RAPGEF5: variants seen among roughly 807,000 people sequenced by gnomAD.
RAPGEF5 encodes the protein M-Ras-regulated GEF.
Under a neutral mutation model 125.2 loss-of-function variants are expected in RAPGEF5, and 65 were observed. That is an observed-to-expected ratio of 0.52 (90% CI 0.43 to 0.64). The LOEUF is 0.64. Ranked by LOEUF, RAPGEF5 falls within the 30% of genes least tolerant of loss-of-function variation. The pLI is 0.00. For missense variants in RAPGEF5, 958 were observed against 1,048.1 expected (o/e 0.91, Z 1.19); for synonymous variants, 391 against 385.9 (o/e 1.01, Z -0.16).
chr7:22,213,057 T>A (rs898720213), intron 9 of RAPGEF5, among the ~76,000 whole-genome samples: 5 of 152,226 alleles, frequency 3.3e-5, no homozygotes, highest in Non-Finnish European at 7.3e-5. Flanking sequence ...TGAGCCAGTA[T>A]CAATGTTCTT....
chr7:22,149,250 C>T lies in RAPGEF5; in HGVS notation c.1884+1157G>A, dbSNP rs3807529. 4.6e-5 allele frequency among the ~76,000 whole-genome samples: 7 copies of T among 152,302 alleles called. No homozygotes were observed. In the East Asian group the frequency reaches 9.6e-4, roughly 21 times the overall value. On this transcript the variant is annotated intron_variant, in intron 18 of 25. Coordinates refer to ENST00000665637, the MANE Select transcript of RAPGEF5 (RefSeq NM_012294.5). ...TGATAGCTTAATATCCTGCAGACAA[C>T]GTTACATAAAATGTCTTTCCAGTAG...
Position 22,310,049 on chromosome 7 carries a change from T to C in RAPGEF5, c.431A>G (p.Glu144Gly), listed in dbSNP as rs1783432493. Residue 144 changes from glutamate (E) to glycine (G), a missense_variant, in exon 4 of 26, where the codon GAA becomes GGA. Coordinates refer to ENST00000665637, the MANE Select transcript of RAPGEF5 (RefSeq NM_012294.5). ...VGSELVDWLL[E>G]HCPFVQCRSM... ...TCTGCACTGGACGAAAGGACAGTGT[T>C]CTAGAAGCCAGTCTACCAGCTCTGA... 4 of 1,598,196 alleles carry C rather than the reference T, an allele frequency of 2.5e-6. No homozygotes were observed. The highest frequency in any genetic ancestry group is 1.4e-5 in the African/African-American group (1 of 73,724).
At chr7:22,134,723 C>A (rs1583394237) in intron 23 of RAPGEF5, among the ~76,000 whole-genome samples, 1 of 152,294 alleles carries the variant, frequency 6.6e-6, no homozygotes, top group East Asian at 1.9e-4. Context: ...TTCCCACCTG[C>A]CACCTCCCAC....
At chr7:22,167,673 T>C (rs547632226) in intron 11 of RAPGEF5, among the ~76,000 whole-genome samples, 7 of 152,304 alleles carry the variant, frequency 4.6e-5, no homozygotes, top group African/African-American at 1.7e-4. Flanking sequence ...AATGCATCTT[T>C]AAGAAGCTGG....
At chr7:22,228,826 ACTGTG>A (rs1785987275) in intron 8 of RAPGEF5, among the ~76,000 whole-genome samples, 1 of 151,938 alleles carries the variant, frequency 6.6e-6, no homozygotes, top group Admixed American at 6.6e-5. Context: ...GCCCAAGGTT[ACTGTG>A]CCAGTCAGGA....
At position 22,154,594 on chromosome 7, in the gene RAPGEF5, G is replaced by A. The variant is rs765816761; in HGVS notation, c.1647C>T (p.His549=). 17 of 1,612,880 alleles carry A rather than the reference G, an allele frequency of 1.1e-5. No homozygotes were observed. The highest frequency in any genetic ancestry group is 1.0e-4 in the Admixed American group (6 of 59,908). ...CATAGGAGTGCTCTGTTATATACAC[G>A]TGGCAGAAAACTGCACAAGTGAAAA... ...TVTETEEIFC[H]VYITEHSYVS... The change falls in exon 17 of 26, where the codon CAC becomes CAT. Residue 549 remains histidine (H), a synonymous_variant. Transcript: ENST00000665637.
chr7:22,318,091 A>G, intron 1 of RAPGEF5, 54 bp from the exon 2 acceptor site: 8 of 1,489,528 alleles, frequency 5.4e-6, no homozygotes, highest in Non-Finnish European at 6.2e-6. Context: ...CTTTTGTACC[A>G]AAAAATGAAA....
intron 12 of RAPGEF5, chr7:22,163,059 T>G: frequency 2.2e-6 from 1 of 449,496 alleles, no homozygotes; most frequent in Non-Finnish European, 4.5e-6. Context: ...TCCTAGGAAC[T>G]TACTTGAAAA....
intron 6 of RAPGEF5, among the ~76,000 whole-genome samples, chr7:22,285,352 T>C (rs773251694): frequency 2.6e-5 from 4 of 152,184 alleles, no homozygotes; most frequent in Admixed American, 6.5e-5. Context: ...CCAACTTTCA[T>C]TCAACGAAGA....
intron 5 of RAPGEF5, among the ~76,000 whole-genome samples, chr7:22,293,828 CTCCTT>C (rs1782989231): frequency 6.6e-6 from 1 of 152,200 alleles, no homozygotes; most frequent in African/African-American, 2.4e-5. Flanking sequence ...CTCGGCCACT[CTCCTT>C]TCTTTCACCA....
chr7:22,278,851 T>A (rs1782614329), intron 6 of RAPGEF5, among the ~76,000 whole-genome samples: 1 of 151,886 alleles, frequency 6.6e-6, no homozygotes, highest in Non-Finnish European at 1.5e-5. Context: ...ATATTTTCCA[T>A]GTATTCACTG....
intron 9 of RAPGEF5, among the ~76,000 whole-genome samples, chr7:22,197,464 T>C (rs765579882): frequency 1.3e-5 from 2 of 152,234 alleles, no homozygotes; most frequent in African/African-American, 2.4e-5. Context: ...TGTTAACTGA[T>C]AGGAAGGCAT....
intron 5 of RAPGEF5, among the ~76,000 whole-genome samples, chr7:22,307,770 C>T (rs1783376677): frequency 2.6e-5 from 4 of 152,120 alleles, no homozygotes; most frequent in Admixed American, 1.3e-4. Flanking sequence ...TAATCCATAA[C>T]TCATAATTCT....
intron 11 of RAPGEF5, among the ~76,000 whole-genome samples, chr7:22,168,228 G>C (rs942610502): frequency 8.5e-5 from 13 of 152,140 alleles, no homozygotes; most frequent in Non-Finnish European, 2.9e-5. Context: ...GATTGGATAA[G>C]GCCATGAGGG....
chr7:22,233,743 A>G (rs1158216819), intron 7 of RAPGEF5, among the ~76,000 whole-genome samples: 1 of 152,224 alleles, frequency 6.6e-6, no homozygotes, highest in Non-Finnish European at 1.5e-5. Context: ...ATACATAGAA[A>G]TAGAACTAAA....
intron 11 of RAPGEF5, chr7:22,192,370 A>G (rs1374475699): frequency 6.6e-6 from 1 of 152,146 alleles, no homozygotes; most frequent in African/African-American, 2.4e-5. Flanking sequence ...TGTTTCTCTT[A>G]TTGTCCTTTA....
chr7:22,193,539 G>A (rs1785063748), intron 10 of RAPGEF5, 84 bp from the exon 11 acceptor site: 2 of 1,552,116 alleles, frequency 1.3e-6, no homozygotes, highest in Non-Finnish European at 8.7e-7. Context: ...CATCCTCCTC[G>A]TCGATGTATT....
chr7:22,149,458 G>C (rs1783549354), intron 18 of RAPGEF5, among the ~76,000 whole-genome samples: 1 of 152,212 alleles, frequency 6.6e-6, no homozygotes, highest in African/African-American at 2.4e-5. Context: ...ACTTTTTCTA[G>C]ATGACAGATC....
chr7:22,147,639 AG>A (rs1293449427), intron 18 of RAPGEF5, among the ~76,000 whole-genome samples: 1 of 152,228 alleles, frequency 6.6e-6, no homozygotes, highest in East Asian at 1.9e-4. Context: ...AACAACTATG[AG>A]GCTGGTAACA....
Sources: gnomAD v4.1 joint callset for allele counts (sites outside exome capture counted in the v4.1 genomes callset) on GRCh38, gnomAD v4.1.1 for gene constraint, MANE v1.5 for transcripts, NCBI Gene and HGNC (gene_info 2026-07-23, HGNC 2026-07-21) for gene names.